PIN4: variants seen among roughly 807,000 people sequenced by gnomAD.
The protein encoded by PIN4 is peptidyl-prolyl cis-trans isomerase NIMA-interacting 4.
Under a neutral mutation model 8.3 loss-of-function variants are expected in PIN4, and 3 were observed. The observed-to-expected ratio is 0.36, with a 90% CI of 0.16 to 0.93. The LOEUF is 0.93. Ranked by LOEUF, PIN4 falls within the 40% of genes least tolerant of loss-of-function variation. PIN4 has a pLI of 0.44. For missense variants in PIN4, 75 were observed against 100.6 expected (o/e 0.75, Z 1.09); for synonymous variants, 18 against 32.5 (o/e 0.55, Z 1.52).
At chrX:72,192,054 C>T (rs1157161512) in intron 2 of PIN4, among the ~76,000 whole-genome samples, 4 of 110,871 alleles carry the variant, frequency 3.6e-5, no homozygotes, top group Non-Finnish European at 7.5e-5. Flanking sequence ...CAGTTTCAAG[C>T]GATTCTCCTG....
At chrX:72,182,003 G>A in intron 1 of PIN4, 175 bp downstream of exon 1, 1 of 461,599 alleles carries the variant, frequency 2.2e-6, no homozygotes, top group Non-Finnish European at 3.9e-6. Flanking sequence ...GACCGTCCTA[G>A]TGGGTAATGG....
intron 3 of PIN4, among the ~76,000 whole-genome samples, chrX:72,261,046 C>T (rs1052087442): frequency 6.3e-5 from 7 of 111,434 alleles, no homozygotes; most frequent in African/African-American, 2.3e-4. Flanking sequence ...GCCTGTAATC[C>T]CAACACTTTG....
rs199677472 is a variant in PIN4 at position 72,254,014 on chromosome X, TC to T, written c.313-8691del. Reference sequence around the variant, plus strand: ...GAAAAGAAAAGAAAAGAAAATCCATTCCTCAAACAGTACCCAATAATCCTTT... The same window carrying T: ...GAAAAGAAAAGAAAAGAAAATCCATTCTCAAACAGTACCCAATAATCCTTT... On this transcript the variant is annotated intron_variant, in intron 3 of 3. Transcript: ENST00000423432. Among the ~76,000 whole-genome samples, 792 of 110,789 alleles carry T rather than the reference TC, an allele frequency of 7.1e-3. 12 individuals carry two copies. The highest frequency in any genetic ancestry group is 0.025 in the African/African-American group (749 of 30,561).
chrX:72,206,319 C>G, intron 3 of PIN4: 2 of 1,209,474 alleles, frequency 1.7e-6, no homozygotes, highest in Non-Finnish European at 2.2e-6. Context: ...TTCCAAACCC[C>G]TTTGGTAAAG....
At chrX:72,261,834 C>CA (rs913117775) in intron 3 of PIN4, among the ~76,000 whole-genome samples, 1 of 111,565 alleles carries the variant, frequency 9.0e-6, no homozygotes, top group Non-Finnish European at 1.9e-5. Context: ...ATGATCTCTC[C>CA]AGCCTCGCCT....
chrX:72,250,302 T>TA (rs916959456), intron 3 of PIN4, among the ~76,000 whole-genome samples: 5 of 107,112 alleles, frequency 4.7e-5, no homozygotes, highest in Non-Finnish European at 7.7e-5. Context: ...TTTTTCAAGT[T>TA]AAAAAAAAAA....
intron 3 of PIN4, among the ~76,000 whole-genome samples, chrX:72,218,216 G>A (rs1386795462): frequency 2.8e-5 from 3 of 105,823 alleles, no homozygotes; most frequent in Non-Finnish European, 5.8e-5. Flanking sequence ...CTTGCAGTGA[G>A]TCAAGATCGC....
At chrX:72,252,872 T>C (rs1422034270) in intron 3 of PIN4, among the ~76,000 whole-genome samples, 1 of 111,736 alleles carries the variant, frequency 8.9e-6, no homozygotes, top group Non-Finnish European at 1.9e-5. Context: ...CATGTTTCTG[T>C]TATAGTTGTG....
At chrX:72,224,843 C>G (rs1024909553) in intron 3 of PIN4, among the ~76,000 whole-genome samples, 5 of 111,182 alleles carry the variant, frequency 4.5e-5, no homozygotes, top group African/African-American at 1.6e-4. Context: ...CCACCATTCT[C>G]TAATTCAAAT....
intron 3 of PIN4, among the ~76,000 whole-genome samples, chrX:72,223,213 G>T (rs775759149): frequency 2.0e-4 from 20 of 100,925 alleles, no homozygotes; most frequent in Admixed American, 1.1e-4. Context: ...GGTGGCAGGC[G>T]CCTGTAATCC....
rs1257905047 is a variant in PIN4 at position 72,196,918 on chromosome X, A to G, written c.237+14A>G. ...GCCAGGCAAGGGGTATGTTGCTCTT[A>G]TTATTTATAATTTTCTCTCAAGGTA... On this transcript the variant is annotated intron_variant, in intron 3 of 3. Coordinates refer to ENST00000373669, the MANE Select transcript of PIN4 (RefSeq NM_006223.4). 1 of 1,146,124 alleles carries G rather than the reference A, an allele frequency of 8.7e-7. No homozygotes were observed. Among genetic ancestry groups the G allele is most frequent in the South Asian group, 2.1e-5 (1 of 46,686 alleles). 94.5% of individuals were successfully genotyped at this position (1,146,124 alleles called of 1,213,427 possible). A position where few individuals can be genotyped will look rare whatever the true frequency, so the allele number is the denominator to read the frequency against.
At chrX:72,211,010 T>C (rs900044620) in intron 3 of PIN4, among the ~76,000 whole-genome samples, 2 of 112,248 alleles carry the variant, frequency 1.8e-5, no homozygotes, top group Non-Finnish European at 3.8e-5. Flanking sequence ...ATGCTTTTAA[T>C]AGCACTGCCC....
At chrX:72,185,167 C>T (rs373774760) in intron 1 of PIN4, among the ~76,000 whole-genome samples, 1 of 36,971 alleles carries the variant, frequency 2.7e-5, no homozygotes, top group East Asian at 8.2e-4. Flanking sequence ...AAAAAAAAAA[C>T]AACTTTTCAA....
chrX:72,219,125 G>A (rs1428811311), intron 3 of PIN4, among the ~76,000 whole-genome samples: 1 of 110,129 alleles, frequency 9.1e-6, no homozygotes, highest in Non-Finnish European at 1.9e-5. Context: ...GTGTGGTGGT[G>A]GGCACCTGTA....
intron 3 of PIN4, chrX:72,205,663 T>C (rs1288859585): frequency 5.0e-6 from 6 of 1,210,505 alleles, no homozygotes; most frequent in South Asian, 1.8e-5. Context: ...TTTAAAAGAA[T>C]CATCTTCATC....
chrX:72,217,726 T>A lies in PIN4; in HGVS notation c.312+20822T>A, dbSNP rs554039084. 1.3e-4 allele frequency among the ~76,000 whole-genome samples: 14 copies of A among 107,342 alleles called. No homozygotes were observed. In the South Asian group the frequency reaches 3.9e-3, roughly 30 times the overall value. The allele number at this position is 107,342 out of a possible 115,157, so 93.2% of individuals were successfully genotyped here. Reference sequence around the variant, plus strand: ...AAAGCTTACTGAGCAGAAAAAAAAATAAAAAAAAACACAAAAAGAACAAAA... The same window carrying A: ...AAAGCTTACTGAGCAGAAAAAAAAAAAAAAAAAAACACAAAAAGAACAAAA... On this transcript the variant is annotated intron_variant, in intron 3 of 3. Coordinates refer to the PIN4 transcript ENST00000423432.
chrX:72,193,311 T>C (rs754825217), intron 2 of PIN4, among the ~76,000 whole-genome samples: 1 of 110,448 alleles, frequency 9.1e-6, no homozygotes, highest in African/African-American at 3.3e-5. Context: ...ATCTAGAAGC[T>C]GTCTCTTAAA....
At chrX:72,183,012 A>G (rs1602424155) in intron 1 of PIN4, among the ~76,000 whole-genome samples, 1 of 111,780 alleles carries the variant, frequency 8.9e-6, no homozygotes, top group South Asian at 3.7e-4. Context: ...GACCTAAGGG[A>G]GTGGCTGTGG....
chrX:72,193,409 A>C (rs970186772), intron 2 of PIN4, among the ~76,000 whole-genome samples: 1 of 110,700 alleles, frequency 9.0e-6, no homozygotes, highest in African/African-American at 3.3e-5. Flanking sequence ...TGACAGTCCC[A>C]TGCATGTTAT....
Sources: allele counts gnomAD v4.1 joint callset (sites outside exome capture counted in the v4.1 genomes callset), GRCh38; gene constraint gnomAD v4.1.1; transcripts MANE v1.5; gene names NCBI Gene and HGNC (gene_info 2026-07-23, HGNC 2026-07-21).